CEP44: variants seen among roughly 807,000 people sequenced by gnomAD.
CEP44 encodes centrosomal protein of 44 kDa.
In CEP44, 45 loss-of-function variants were observed where a neutral mutation model predicts 46.7. The ratio of observed to expected loss-of-function variants is 0.96; its 90% CI spans 0.76 to 1.24. The LOEUF (loss-of-function observed/expected upper bound fraction) is 1.24. Ranked by LOEUF, CEP44 falls within the 50% of genes most tolerant of loss-of-function variation. CEP44 has a pLI of 0.00. For synonymous variants in CEP44, 142 were observed against 146.0 expected, an observed-to-expected ratio of 0.97 and a Z score of 0.20; for missense variants, 475 against 459.7, an observed-to-expected ratio of 1.03 and a Z score of -0.30.
In CEP44 at chr4:174,309,095, A is replaced by G. The variant is rs746223258; in HGVS notation, c.678+236A>G. On this transcript the variant is annotated intron_variant, in intron 7 of 11. Transcript: ENST00000503780. The surrounding 1 kb of genome is among the most constrained non-coding windows in gnomAD (Gnocchi z 5.3). ...TTGGGGTGATGCAAAGTAGAATAAG[A>G]TATGGTACTTGGCTTTAAGGAATCT... Among the ~76,000 whole-genome samples the G allele has an allele frequency of 6.6e-6, 1 of 152,088 alleles. No homozygotes were observed. Among genetic ancestry groups the G allele is most frequent in the East Asian group, 1.9e-4 (1 of 5,194 alleles).
intron 8 of CEP44, among the ~76,000 whole-genome samples, chr4:174,327,259 A>G (rs995514142): frequency 1.1e-4 from 17 of 151,322 alleles, no homozygotes; most frequent in African/African-American, 3.6e-4. Context: ...TATGTGCATG[A>G]ACTTTATGTA....
intron 1 of CEP44, among the ~76,000 whole-genome samples, chr4:174,285,160 C>G (rs1484464319): frequency 6.6e-6 from 1 of 152,168 alleles, no homozygotes; most frequent in Non-Finnish European, 1.5e-5. Context: ...GTGGTATCTC[C>G]TTTTTTCCTT....
intron 9 of CEP44, among the ~76,000 whole-genome samples, chr4:174,313,152 T>G (rs1741277222): frequency 6.6e-6 from 1 of 150,428 alleles, no homozygotes; most frequent in African/African-American, 2.5e-5. Context: ...TGTGGTTACA[T>G]GGTGCCCTTG....
chr4:174,317,343 A>T lies in CEP44; in HGVS notation c.1133A>T (p.Glu378Val). ...TATTTATTATATTTCAGGTTTGAAG[A>T]AACTGCAGAGTTACTGAAATGTCCA... Reference protein sequence around the residue: ...KMERMKKMFEETAELLKCPNH... With the variant: ...KMERMKKMFEVTAELLKCPNH... Residue 378 changes from glutamate (E) to valine (V), a missense_variant, in exon 12 of 12, where the codon GAA becomes GTA. Physicochemically the swap from Glu to Val is moderately radical, Grantham distance 121. Coordinates refer to ENST00000503780, the MANE Select transcript of CEP44 (RefSeq NM_001040157.3). 1 of 1,368,034 alleles carries T rather than the reference A, an allele frequency of 7.3e-7. No individual in the cohort carries two copies. Among genetic ancestry groups the T allele is most frequent in the African/African-American group, 1.5e-5 (1 of 68,918 alleles). 84.7% of individuals were successfully genotyped at this position (1,368,034 alleles called of 1,614,324 possible).
At chr4:174,328,079 AGTT>A (rs1423261269) in intron 8 of CEP44, among the ~76,000 whole-genome samples, 1 of 152,222 alleles carries the variant, frequency 6.6e-6, no homozygotes, top group Non-Finnish European at 1.5e-5. Flanking sequence ...TTTTCCCAGA[AGTT>A]GTCCCAAATA....
At chr4:174,298,211 T>C (rs1739286582) in intron 2 of CEP44, 149 bp downstream of exon 2, 2 of 138,974 alleles carry the variant, frequency 1.4e-5, no homozygotes, top group East Asian at 4.5e-4. Context: ...AGTCTCGCTC[T>C]GTCGCCCAGG....
At chr4:174,304,399 G>A (rs1188591542) in intron 6 of CEP44, 30 bp downstream of exon 6, 1 of 1,593,548 alleles carries the variant, frequency 6.3e-7, no homozygotes, top group Admixed American at 1.9e-5. Context: ...ATATCATATT[G>A]TTTAAGAGTT....
rs1451636264 is a variant in CEP44, at chr4:174,290,946, C to T, written c.-148+7003C>T. ...GTTGTCGACTTAAAGTCTATTTTGT[C>T]TGATATAGATAGCCACCCTGCTCTC... On this transcript the variant is annotated intron_variant, in intron 1 of 11. Transcript: ENST00000503780. This position sits in a 1 kb window ranked among gnomAD's most constrained non-coding sequence, Gnocchi z 4.3. Among the ~76,000 whole-genome samples, 1 of 152,084 alleles carries T rather than the reference C, an allele frequency of 6.6e-6. No individual in the cohort carries two copies. Among genetic ancestry groups the T allele is most frequent in the Non-Finnish European group, 1.5e-5 (1 of 68,014 alleles).
At chr4:174,332,223 G>C (rs954664310) in exon 9 of CEP44, 2 of 152,318 alleles carry the variant, frequency 1.3e-5, no homozygotes, top group Non-Finnish European at 2.9e-5. Context: ...TGGTACAGTA[G>C]GCTAAAGGTA....
rs1399607540 is a variant in CEP44, at chr4:174,288,954, G to T, written c.-148+5011G>T. On this transcript the variant is annotated intron_variant, in intron 1 of 11. Transcript: ENST00000503780. This position sits in a 1 kb window ranked among gnomAD's most constrained non-coding sequence, Gnocchi z 4.6. Reference sequence around the variant, plus strand: ...GGTTCTTCCATACCTAGTTTATTGGGAGTTTTTATCACAAAAGAGTATCGA... The same window carrying T: ...GGTTCTTCCATACCTAGTTTATTGGTAGTTTTTATCACAAAAGAGTATCGA... 1.3e-5 allele frequency among the ~76,000 whole-genome samples: 2 copies of T among 152,098 alleles called. No homozygotes were observed. The highest frequency in any genetic ancestry group is 1.3e-4 in the Admixed American group (2 of 15,266).
At chr4:174,320,684 CTGTGTG>C (rs34832692), downstream of CEP44, among the ~76,000 whole-genome samples, 2 of 147,412 alleles carry the variant, frequency 1.4e-5, no homozygotes, top group African/African-American at 2.5e-5. Context: ...TGAGTGTGCT[CTGTGTG>C]TGTGTGTGTG....
rs1491436086 is a variant in CEP44, at chr4:174,297,650, TAG to T, written c.-147-315_-147-314del. ...GCTGAGATATAGGAAGAAACTTTAT[TAG>T]TGTGTGTGTGTGTGTGTGTGTGTGT... On this transcript the variant is annotated intron_variant, in intron 1 of 11. Transcript: ENST00000503780. This position sits in a 1 kb window ranked among gnomAD's most constrained non-coding sequence, Gnocchi z 4.3. Among the ~76,000 whole-genome samples the T allele has an allele frequency of 2.0e-5, 2 of 99,862 alleles. No homozygotes were observed. The highest frequency in any genetic ancestry group is 7.1e-5 in the African/African-American group (2 of 28,058). The allele number at this position is 99,862 out of a possible 152,430, so 65.5% of individuals were successfully genotyped here. A position where few individuals can be genotyped will look rare whatever the true frequency, so the allele number is the denominator to read the frequency against.
chr4:174,331,791 A>G lies in CEP44; in HGVS notation c.*196A>G. 1.6e-6 allele frequency: 1 copy of G among 622,786 alleles called. No homozygotes were observed. Among genetic ancestry groups the G allele is most frequent in the Non-Finnish European group, 2.4e-6 (1 of 415,340 alleles). 38.6% of individuals were successfully genotyped at this position (622,786 alleles called of 1,614,324 possible). A position where few individuals can be genotyped will look rare whatever the true frequency, so the allele number is the denominator to read the frequency against. Reference sequence around the variant, plus strand: ...ACACTTAGTTGTTTGTCTAATTTCTATTTTCCAGAAATTTCTCAAAATGTC... The same window carrying G: ...ACACTTAGTTGTTTGTCTAATTTCTGTTTTCCAGAAATTTCTCAAAATGTC... On this transcript the variant is annotated 3_prime_UTR_variant, in exon 9 of 9. Transcript: ENST00000426172. The surrounding 1 kb of genome is among the most constrained non-coding windows in gnomAD (Gnocchi z 4.5).
In CEP44 at chr4:174,314,573, GGAA is replaced by G. The variant is rs998190756; in HGVS notation, c.962-1590_962-1588del. 1.3e-4 allele frequency among the ~76,000 whole-genome samples: 20 copies of G among 152,064 alleles called. No homozygotes were observed. Among genetic ancestry groups the G allele is most frequent in the African/African-American group, 4.6e-4 (19 of 41,382 alleles). ...CACCGCAAAGTCTGGACCCCAAAAT[GGAA>G]GACAAAGAGAGCCATTCCTTCACCC... On this transcript the variant is annotated intron_variant, in intron 9 of 11. Transcript: ENST00000503780. This position sits in a 1 kb window ranked among gnomAD's most constrained non-coding sequence, Gnocchi z 4.1.
intron 1 of CEP44, among the ~76,000 whole-genome samples, chr4:174,284,875 ACT>A (rs1419014855): frequency 6.6e-6 from 1 of 152,156 alleles, no homozygotes; most frequent in Non-Finnish European, 1.5e-5. Context: ...TATGTCACAA[ACT>A]CTTAGCCATT....
At chr4:174,303,998 G>A (rs568104179) in intron 5 of CEP44, 149 bp downstream of exon 5, 2 of 725,996 alleles carry the variant, frequency 2.8e-6, no homozygotes, top group African/African-American at 1.8e-5. Context: ...TATAAAGCTT[G>A]TTGTTTATTT....
rs1294730158 is a variant in CEP44, at chr4:174,312,711, G to A, written c.961+1853G>A. The stretch of plus-strand genomic sequence containing the variant: ...TAGGTTGAATACCTGGTCTCATAGA[G>A]TTTATGATCTGATCTAGATTAATTA... On this transcript the variant is annotated intron_variant, in intron 9 of 11. Coordinates refer to ENST00000503780, the MANE Select transcript of CEP44 (RefSeq NM_001040157.3). This position sits in a 1 kb window ranked among gnomAD's most constrained non-coding sequence, Gnocchi z 4.5. Among the ~76,000 whole-genome samples the A allele has an allele frequency of 6.6e-6, 1 of 152,146 alleles. No homozygotes were observed. Among genetic ancestry groups the A allele is most frequent in the Non-Finnish European group, 1.5e-5 (1 of 68,026 alleles).
At position 174,303,334 on chromosome 4, in the gene CEP44, G is replaced by A. The variant is rs116072414; in HGVS notation, c.238-369G>A. On this transcript the variant is annotated intron_variant, in intron 4 of 11. Coordinates refer to ENST00000503780, the MANE Select transcript of CEP44 (RefSeq NM_001040157.3). The stretch of plus-strand genomic sequence containing the variant: ...CTGACGTATCCAAAAATCACATAGT[G>A]GAAGAGTTATAAACAAATAGAACTA... Among the ~76,000 whole-genome samples, 492 of 152,066 alleles carry A rather than the reference G, an allele frequency of 3.2e-3. 2 individuals are homozygous for A. Among genetic ancestry groups the A allele is most frequent in the African/African-American group, 0.01 (428 of 41,478 alleles).
intron 6 of CEP44, among the ~76,000 whole-genome samples, chr4:174,307,871 G>A (rs1211354959): frequency 6.6e-6 from 1 of 152,094 alleles, no homozygotes; most frequent in Admixed American, 6.6e-5. Context: ...CAACATCACT[G>A]ATCATTAGAA....
Sources: gnomAD v4.1 joint callset for allele counts (sites outside exome capture counted in the v4.1 genomes callset) on GRCh38, gnomAD v4.1.1 for gene constraint, Gnocchi (gnomAD v3.1) non-coding constraint, MANE v1.5 for transcripts, NCBI Gene and HGNC (gene_info 2026-07-23, HGNC 2026-07-21) for gene names.